CATSPERT: variants seen among roughly 807,000 people sequenced by gnomAD.
CATSPERT encodes cation channel sperm-associated targeting subunit tau.
chr2:201,574,773 T>C, the CATSPERT span, among the ~76,000 whole-genome samples: 2 of 152,164 alleles, frequency 1.3e-5, no homozygotes, highest in Admixed American at 6.6e-5. Flanking sequence ...CTGTTTTTTA[T>C]GTTCCTAGCC....
At chr2:201,534,080 C>CTATCTATCTATCTATA in the CATSPERT span, among the ~76,000 whole-genome samples, 4 of 147,886 alleles carry the variant, frequency 2.7e-5, no homozygotes, top group African/African-American at 1.0e-4. Flanking sequence ...ATCTATCTAT[C>CTATCTATCTATCTATA]TATCTATCAA....
the CATSPERT span, among the ~76,000 whole-genome samples, chr2:201,613,332 G>A: frequency 3.9e-5 from 6 of 152,110 alleles, no homozygotes; most frequent in Non-Finnish European, 7.4e-5. Context: ...TCATACAACT[G>A]GGTGCCCCTC....
the CATSPERT span, chr2:201,582,208 G>A: frequency 1.4e-5 from 22 of 1,586,278 alleles, no homozygotes; most frequent in East Asian, 4.5e-5. Flanking sequence ...TCATCATAAC[G>A]TCTGGGAACC....
chr2:201,605,267 T>C, the CATSPERT span, among the ~76,000 whole-genome samples: 2 of 152,066 alleles, frequency 1.3e-5, no homozygotes, highest in African/African-American at 4.8e-5. Flanking sequence ...AAGTTCAACA[T>C]TGAGCACAAA....
chr2:201,520,664 G>A, the CATSPERT span, among the ~76,000 whole-genome samples: 4 of 152,106 alleles, frequency 2.6e-5, no homozygotes, highest in Admixed American at 6.6e-5. Flanking sequence ...GAGGCGGGTG[G>A]ATCATTTGAG....
chr2:201,555,213 G>C, the CATSPERT span: 1 of 152,104 alleles, frequency 6.6e-6, no homozygotes, highest in Non-Finnish European at 1.5e-5. Flanking sequence ...ACACCAAATA[G>C]ACTTAAAATC....
chr2:201,618,921 G>T, the CATSPERT span: 63 of 1,613,832 alleles, frequency 3.9e-5, no homozygotes, highest in East Asian at 1.4e-3. Flanking sequence ...GGTGCCCGGT[G>T]CCCTCCTGGT....
the CATSPERT span, among the ~76,000 whole-genome samples, chr2:201,528,473 T>C: frequency 6.6e-6 from 1 of 152,138 alleles, no homozygotes; most frequent in Non-Finnish European, 1.5e-5. Flanking sequence ...ATGTTCATCA[T>C]AGCACTATTC....
the CATSPERT span, among the ~76,000 whole-genome samples, chr2:201,546,769 C>T: frequency 1.3e-5 from 2 of 152,060 alleles, no homozygotes; most frequent in African/African-American, 4.8e-5. Flanking sequence ...GCTTCTACTC[C>T]TTTATATATA....
the CATSPERT span, chr2:201,534,900 G>A: frequency 1.9e-6 from 1 of 520,108 alleles, no homozygotes; most frequent in African/African-American, 2.1e-5. Flanking sequence ...TGGCATGCAT[G>A]TAAAGTCAAA....
chr2:201,601,808 G>A, the CATSPERT span: 1 of 1,612,008 alleles, frequency 6.2e-7, no homozygotes, highest in Non-Finnish European at 8.5e-7. Context: ...TGGATAGCAA[G>A]CTACACATTT....
At chr2:201,503,121 A>G in the CATSPERT span, among the ~76,000 whole-genome samples, 4 of 152,180 alleles carry the variant, frequency 2.6e-5, no homozygotes, top group Admixed American at 2.0e-4. Context: ...TATGAACTAT[A>G]TTTATAATGG....
chr2:201,595,378 C>T, the CATSPERT span, among the ~76,000 whole-genome samples: 6 of 151,770 alleles, frequency 4.0e-5, no homozygotes, highest in African/African-American at 4.8e-5. Flanking sequence ...TTAGTAGAGA[C>T]GGGGTTTCAC....
At chr2:201,536,991 C>A in the CATSPERT span, among the ~76,000 whole-genome samples, 2 of 151,846 alleles carry the variant, frequency 1.3e-5, no homozygotes, top group Non-Finnish European at 1.5e-5. Flanking sequence ...GGAATGAATA[C>A]CTTATGTAAA....
At chr2:201,506,516 A>C in the CATSPERT span, among the ~76,000 whole-genome samples, 33 of 152,194 alleles carry the variant, frequency 2.2e-4, no homozygotes, top group Non-Finnish European at 4.3e-4. Flanking sequence ...TTTCCTCCAC[A>C]GGGGTCAGCA....
chr2:201,544,487 T>C, the CATSPERT span, among the ~76,000 whole-genome samples: 4 of 152,224 alleles, frequency 2.6e-5, no homozygotes, highest in South Asian at 8.3e-4. Flanking sequence ...TGATAAATTC[T>C]CAAATGTAAT....
the CATSPERT span, chr2:201,545,444 C>CAATT: frequency 1.3e-6 from 1 of 793,794 alleles, no homozygotes; most frequent in Non-Finnish European, 2.0e-6. Context: ...CCTAACAAAA[C>CAATT]AGAAATCTAC....
chr2:201,536,109 C>T, the CATSPERT span: 5,207 of 1,613,256 alleles, frequency 3.2e-3, 32 homozygotes, highest in South Asian at 5.3e-3. Context: ...TTTCATTTTT[C>T]TGTCTGGCAT....
At chr2:201,601,587 G>A in the CATSPERT span, 5 of 650,026 alleles carry the variant, frequency 7.7e-6, no homozygotes, top group Admixed American at 1.4e-4. Context: ...ATAGCCCATG[G>A]TATAGAAATA....
Sources: gnomAD v4.1 joint callset for allele counts (sites outside exome capture counted in the v4.1 genomes callset) on GRCh38, gnomAD v4.1.1 for gene constraint, MANE v1.5 for transcripts, NCBI Gene and HGNC (gene_info 2026-07-23, HGNC 2026-07-21) for gene names.